Variants in TMEM135 observed in about 807,000 individuals in gnomAD.
TMEM135 encodes transmembrane protein 135.
In TMEM135, 30 loss-of-function variants were observed where a neutral mutation model predicts 60.3. The observed-to-expected ratio is 0.50, with a 90% CI of 0.37 to 0.68. TMEM135 has a LOEUF of 0.68. TMEM135 is among the 30% of genes least tolerant of loss of function. The pLI is 0.00. For synonymous variants in TMEM135, 190 were observed against 186.7 expected, an observed-to-expected ratio of 1.02 and a Z score of -0.14; for missense variants, 468 against 548.8, an observed-to-expected ratio of 0.85 and a Z score of 1.47.
intron 9 of TMEM135, 55 bp downstream of exon 9, chr11:87,306,060 AT>A: frequency 1.0e-6 from 1 of 989,372 alleles, no homozygotes; most frequent in South Asian, 2.1e-5. Flanking sequence ...TATAGAAATT[AT>A]TTATTTATTT....
intron 9 of TMEM135, 77 bp from the exon 10 acceptor site, chr11:87,309,428 G>T (rs3758656): frequency 6.8e-7 from 1 of 1,463,256 alleles, no homozygotes; most frequent in South Asian, 1.1e-5. Flanking sequence ...TTTCTATTTT[G>T]AGATGGTAAA....
intron 4 of TMEM135, among the ~76,000 whole-genome samples, chr11:87,147,278 G>A (rs1027129945): frequency 6.6e-6 from 1 of 152,156 alleles, no homozygotes; most frequent in Non-Finnish European, 1.5e-5. Flanking sequence ...AGCCGAGATC[G>A]TGCCACTACA....
intron 3 of TMEM135, among the ~76,000 whole-genome samples, chr11:87,084,067 G>A (rs902397922): frequency 1.3e-5 from 2 of 151,912 alleles, no homozygotes; most frequent in African/African-American, 2.4e-5. Flanking sequence ...GTGATATGTA[G>A]TATTATTCAA....
intron 4 of TMEM135, among the ~76,000 whole-genome samples, chr11:87,155,523 C>T (rs1209775148): frequency 6.6e-6 from 1 of 152,052 alleles, no homozygotes; most frequent in African/African-American, 2.4e-5. Flanking sequence ...GTCCATTGCC[C>T]AATGTGTGCA....
chr11:87,132,980 C>T (rs746370064), intron 4 of TMEM135, among the ~76,000 whole-genome samples: 2 of 152,110 alleles, frequency 1.3e-5, no homozygotes, highest in Non-Finnish European at 2.9e-5. Flanking sequence ...GTAAGAGTTA[C>T]TCAAATACAT....
At chr11:87,285,593 C>T (rs578196029) in intron 6 of TMEM135, among the ~76,000 whole-genome samples, 127 of 152,258 alleles carry the variant, frequency 8.3e-4, no homozygotes, top group African/African-American at 2.7e-3. Context: ...TTCATGGTCT[C>T]GCTGGCCTCA....
At chr11:87,308,395 G>A (rs1312624176) in intron 9 of TMEM135, among the ~76,000 whole-genome samples, 2 of 152,158 alleles carry the variant, frequency 1.3e-5, no homozygotes, top group Non-Finnish European at 2.9e-5. Context: ...TTTCAGTTAA[G>A]CAAATGCTTG....
intron 4 of TMEM135, among the ~76,000 whole-genome samples, chr11:87,097,048 G>C (rs1166239623): frequency 6.6e-6 from 1 of 151,362 alleles, no homozygotes; most frequent in Non-Finnish European, 1.5e-5. Context: ...CCAGGCTGGA[G>C]TGCGGCGGCA....
rs536479359 is a variant in TMEM135 at position 87,221,929 on chromosome 11, G to A, written c.463-14709G>A. 6.4e-4 allele frequency among the ~76,000 whole-genome samples: 98 copies of A among 152,214 alleles called. 1 individual carries two copies. The highest frequency in any genetic ancestry group is 2.3e-3 in the African/African-American group (97 of 41,540). On this transcript the variant is annotated intron_variant, in intron 5 of 14. Coordinates refer to ENST00000305494, the MANE Select transcript of TMEM135 (RefSeq NM_022918.4). ...AAATTGGGCTGGGGCCCGGCACCGT[G>A]GTACACACCTGTAATCCCAGAACTT...
At chr11:87,128,693 G>T (rs1175653810) in intron 4 of TMEM135, among the ~76,000 whole-genome samples, 1 of 152,034 alleles carries the variant, frequency 6.6e-6, no homozygotes, top group Non-Finnish European at 1.5e-5. Flanking sequence ...TTGGAAAACG[G>T]TTTGTTACTT....
intron 5 of TMEM135, among the ~76,000 whole-genome samples, chr11:87,180,349 T>C (rs747712156): frequency 6.6e-6 from 1 of 152,096 alleles, no homozygotes; most frequent in Non-Finnish European, 1.5e-5. Flanking sequence ...TAGTTTTTGC[T>C]TTTTTCCCCC....
intron 3 of TMEM135, among the ~76,000 whole-genome samples, chr11:87,073,349 A>G (rs1856808163): frequency 6.6e-6 from 1 of 152,162 alleles, no homozygotes; most frequent in Non-Finnish European, 1.5e-5. Flanking sequence ...GCCACTCTTA[A>G]TACATTTTTG....
chr11:87,325,848 T>G lies in TMEM135; in HGVS notation c.*4515T>G. ...TCTTCTTAAAACCCCGTAACATCACTTGACTCTGGAATTTCCTATTTTCTT... is the reference window on the plus strand; with the variant it reads ...TCTTCTTAAAACCCCGTAACATCACGTGACTCTGGAATTTCCTATTTTCTT... On this transcript the variant is annotated 3_prime_UTR_variant, in exon 15 of 15. Coordinates refer to ENST00000305494, the MANE Select transcript of TMEM135 (RefSeq NM_022918.4). 2.2e-6 allele frequency: 1 copy of G among 454,074 alleles called. No individual in the cohort carries two copies. The highest frequency in any genetic ancestry group is 4.4e-6 in the Non-Finnish European group (1 of 226,776). 28.1% of individuals were successfully genotyped at this position (454,074 alleles called of 1,614,324 possible).
chr11:87,146,183 C>G (rs1015306100), intron 4 of TMEM135, among the ~76,000 whole-genome samples: 1 of 152,188 alleles, frequency 6.6e-6, no homozygotes, highest in Non-Finnish European at 1.5e-5. Context: ...ATTGAAGACA[C>G]TGTCCTTTTC....
In TMEM135 at chr11:87,325,921, T is replaced by G. The variant is rs1374559634; in HGVS notation, c.*4588T>G. On this transcript the variant is annotated 3_prime_UTR_variant, in exon 15 of 15. Coordinates refer to ENST00000305494, the MANE Select transcript of TMEM135 (RefSeq NM_022918.4). ...ATCTGTCCCTCCTACGAATATGTTT[T>G]ACATGAAATAATGTATTGGGTTTTA... The G allele has an allele frequency of 2.2e-6, 1 of 453,946 alleles. No homozygotes were observed. Among genetic ancestry groups the G allele is most frequent in the East Asian group, 6.9e-5 (1 of 14,404 alleles). The allele number at this position is 453,946 out of a possible 1,614,324, so 28.1% of individuals were successfully genotyped here.
At chr11:87,312,630 G>A (rs567662977) in intron 10 of TMEM135, among the ~76,000 whole-genome samples, 2 of 151,946 alleles carry the variant, frequency 1.3e-5, no homozygotes, top group South Asian at 2.1e-4. Context: ...GTGTGGCTGC[G>A]TTTCAATAAA....
At chr11:87,173,440 C>T (rs1167315073) in intron 5 of TMEM135, among the ~76,000 whole-genome samples, 1 of 152,128 alleles carries the variant, frequency 6.6e-6, no homozygotes, top group Non-Finnish European at 1.5e-5. Flanking sequence ...ATGGTTTCAG[C>T]TTTCAAAAAG....
chr11:87,180,348 C>G (rs1294973824), intron 5 of TMEM135, among the ~76,000 whole-genome samples: 1 of 152,086 alleles, frequency 6.6e-6, no homozygotes. Context: ...TTAGTTTTTG[C>G]TTTTTTCCCC....
intron 5 of TMEM135, among the ~76,000 whole-genome samples, chr11:87,182,637 T>G (rs1174076606): frequency 6.6e-6 from 1 of 152,170 alleles, no homozygotes; most frequent in African/African-American, 2.4e-5. Flanking sequence ...GTACTTTCAT[T>G]TACTACTTTT....
Sources: allele counts gnomAD v4.1 joint callset (sites outside exome capture counted in the v4.1 genomes callset), GRCh38; gene constraint gnomAD v4.1.1; transcripts MANE v1.5; gene names NCBI Gene and HGNC (gene_info 2026-07-23, HGNC 2026-07-21).